Variants in WDR33 observed in about 807,000 individuals in gnomAD.
WDR33 encodes the protein pre-mRNA 3' end processing protein WDR33.
In WDR33, 47 loss-of-function variants were observed where a neutral mutation model predicts 164.9. That is an observed-to-expected ratio of 0.29 (90% CI 0.23 to 0.36). The LOEUF (loss-of-function observed/expected upper bound fraction) is 0.36. Ranked by LOEUF, WDR33 falls within the 10% of genes least tolerant of loss-of-function variation. The pLI, the probability that WDR33 is intolerant of heterozygous loss-of-function variation, is 1.00. For synonymous variants in WDR33, 505 were observed against 589.0 expected (o/e 0.86, Z 2.06); for missense variants, 1,137 against 1,754.1 (o/e 0.65, Z 6.28).
chr2:127,772,364 G>A (rs565096925), intron 1 of WDR33, among the ~76,000 whole-genome samples: 11 of 152,088 alleles, frequency 7.2e-5, no homozygotes, highest in South Asian at 4.2e-4. Flanking sequence ...GTTTGAACCC[G>A]GGAGGGAGAG....
intron 7 of WDR33, among the ~76,000 whole-genome samples, chr2:127,733,975 T>C (rs892782026): frequency 4.6e-5 from 7 of 152,312 alleles, no homozygotes; most frequent in Admixed American, 2.0e-4. Context: ...CATCCAATCC[T>C]GTCTTCATCT....
rs1294609180 is a variant in WDR33, at chr2:127,706,782, C to A, written c.3782-230G>T. Among the ~76,000 whole-genome samples the A allele has an allele frequency of 6.6e-6, 1 of 152,214 alleles. No homozygotes were observed. The highest frequency in any genetic ancestry group is 1.5e-5 in the Non-Finnish European group (1 of 68,042). Reference sequence around the variant, plus strand: ...TCAGCATCAGCCAGATCCATGCCCCCAGGGCTGTGTGACAGACGACAGGAA... The same window carrying A: ...TCAGCATCAGCCAGATCCATGCCCCAAGGGCTGTGTGACAGACGACAGGAA... On this transcript the variant is annotated intron_variant, in intron 21 of 21. Coordinates refer to ENST00000322313, the MANE Select transcript of WDR33 (RefSeq NM_018383.5). This position sits in a 1 kb window ranked among gnomAD's most constrained non-coding sequence, Gnocchi z 5.1.
intron 1 of WDR33, among the ~76,000 whole-genome samples, chr2:127,805,068 CTTTTTTTTTTT>C (rs201681607): frequency 2.9e-3 from 243 of 84,408 alleles, no homozygotes; most frequent in Non-Finnish European, 4.1e-3. Flanking sequence ...GAAGTTTTTT[CTTTTTTTTTTT>C]TTTTTTTTTT....
chr2:127,805,603 A>G (rs1689408466), intron 1 of WDR33, among the ~76,000 whole-genome samples: 1 of 152,180 alleles, frequency 6.6e-6, no homozygotes, highest in Non-Finnish European at 1.5e-5. Flanking sequence ...AAGGGGCAGC[A>G]GGTGCCAGGT....
In WDR33 at chr2:127,706,365, C is replaced by G; in HGVS notation, c.3969G>C (p.Pro1323=). The G allele has an allele frequency of 6.2e-7, 1 of 1,601,224 alleles. No homozygotes were observed. Among genetic ancestry groups the G allele is most frequent in the Non-Finnish European group, 8.5e-7 (1 of 1,173,534 alleles). ...WGRGSNMNSG[P]PRRGASRGGG... ...CACCCCGTGAAGCTCCTCGCCTCGG[C>G]GGGCCAGAGTTCATGTTACTCCCTC... The change falls in exon 22 of 22, where the codon CCG becomes CCC. Residue 1323 remains proline, a synonymous_variant. Coordinates refer to ENST00000322313, the MANE Select transcript of WDR33 (RefSeq NM_018383.5). The surrounding 1 kb of genome is among the most constrained non-coding windows in gnomAD (Gnocchi z 5.1).
chr2:127,749,739 C>T (rs1459724454), intron 7 of WDR33, among the ~76,000 whole-genome samples: 1 of 151,964 alleles, frequency 6.6e-6, no homozygotes, highest in Non-Finnish European at 1.5e-5. Context: ...CTGTGCCAAA[C>T]CTTAACCTTT....
In WDR33 at chr2:127,730,055, A is replaced by G. The variant is rs1402759478; in HGVS notation, c.725-3278T>C. ...CATCAACTGGCTCCAAGAACTAGGT[A>G]GCTTGGGACACAAGGGAAAGAAGGA... On this transcript the variant is annotated intron_variant, in intron 7 of 21. Transcript: ENST00000322313. 2.6e-5 allele frequency among the ~76,000 whole-genome samples: 4 copies of G among 152,230 alleles called. No individual in the cohort carries two copies. The East Asian group carries it at 7.7e-4, about 29-fold the overall frequency.
At position 127,703,110 on chromosome 2, in the gene WDR33, G is replaced by A. The variant is rs1455873203; in HGVS notation, c.*3213C>T. The A allele has an allele frequency of 1.2e-5, 2 of 167,010 alleles. No homozygotes were observed. Among genetic ancestry groups the A allele is most frequent in the Non-Finnish European group, 2.9e-5 (2 of 68,122 alleles). 10.3% of individuals were successfully genotyped at this position (167,010 alleles called of 1,614,324 possible). ...ACCTTAATTTATTGCCAGAAGGTAT[G>A]AGCCTAACATTCTGATGAGTCCAGA... On this transcript the variant is annotated 3_prime_UTR_variant, in exon 22 of 22. Coordinates refer to ENST00000322313, the MANE Select transcript of WDR33 (RefSeq NM_018383.5).
chr2:127,736,043 A>C (rs1193801963), intron 7 of WDR33: 2 of 985,382 alleles, frequency 2.0e-6, no homozygotes, highest in African/African-American at 3.5e-5. Context: ...TCCGGCAGTC[A>C]GGTAAGTTGA....
At position 127,763,691 on chromosome 2, in the gene WDR33, T is replaced by C; in HGVS notation, c.627-532A>G. The C allele has an allele frequency of 1.0e-6, 1 of 985,744 alleles. No individual in the cohort carries two copies. Among genetic ancestry groups the C allele is most frequent in the Non-Finnish European group, 1.2e-6 (1 of 830,166 alleles). 61.1% of individuals were successfully genotyped at this position (985,744 alleles called of 1,614,324 possible). A position where few individuals can be genotyped will look rare whatever the true frequency, so the allele number is the denominator to read the frequency against. On this transcript the variant is annotated intron_variant, in intron 6 of 21. Coordinates refer to ENST00000322313, the MANE Select transcript of WDR33 (RefSeq NM_018383.5). This position sits in a 1 kb window ranked among gnomAD's most constrained non-coding sequence, Gnocchi z 4.5. ...AAGGTCTGTAGAAAAGTTTCACATC[T>C]TCCTGGCAAGCTATTCCATGAATGT...
In WDR33 at chr2:127,741,403, A is replaced by G. The variant is rs576541585; in HGVS notation, c.725-14626T>C. 2.1e-4 allele frequency among the ~76,000 whole-genome samples: 32 copies of G among 152,342 alleles called. No individual in the cohort carries two copies. The South Asian group carries it at 6.2e-3, about 30-fold the overall frequency. On this transcript the variant is annotated intron_variant, in intron 7 of 21. Coordinates refer to ENST00000322313, the MANE Select transcript of WDR33 (RefSeq NM_018383.5). This position sits in a 1 kb window ranked among gnomAD's most constrained non-coding sequence, Gnocchi z 4.1. Reference sequence around the variant, plus strand: ...GGAATAAACTTAAGCACTCCACCTCAGAGTACAAACCACAACCCACTTACT... The same window carrying G: ...GGAATAAACTTAAGCACTCCACCTCGGAGTACAAACCACAACCCACTTACT...
chr2:127,710,363 TGGG>T lies in WDR33; in HGVS notation c.3309-510_3309-508del, dbSNP rs1686128427. ...CATTTATGACATATAATCAGAAAAA[TGGG>T]GGCACAGATCGTGTCTGCCAACCAT... On this transcript the variant is annotated intron_variant, in intron 18 of 21. Coordinates refer to ENST00000322313, the MANE Select transcript of WDR33 (RefSeq NM_018383.5). The surrounding 1 kb of genome is among the most constrained non-coding windows in gnomAD (Gnocchi z 4.4). Among the ~76,000 whole-genome samples, 1 of 152,102 alleles carries T rather than the reference TGGG, an allele frequency of 6.6e-6. No homozygotes were observed. The highest frequency in any genetic ancestry group is 1.5e-5 in the Non-Finnish European group (1 of 68,008).
intron 7 of WDR33, chr2:127,737,324 C>A (rs1686874251): frequency 1.0e-6 from 1 of 985,200 alleles, no homozygotes; most frequent in Admixed American, 6.2e-5. Flanking sequence ...GCAGCAAAGT[C>A]CGCTGTAAGA....
intron 4 of WDR33, among the ~76,000 whole-genome samples, chr2:127,766,336 C>A (rs1222686822): frequency 6.6e-6 from 1 of 152,120 alleles, no homozygotes; most frequent in Non-Finnish European, 1.5e-5. Context: ...AAGGTTATTT[C>A]TTAAATTACA....
intron 1 of WDR33, among the ~76,000 whole-genome samples, chr2:127,789,615 G>A (rs1018632580): frequency 2.0e-5 from 3 of 151,422 alleles, no homozygotes; most frequent in African/African-American, 4.8e-5. Context: ...CAGGCAGGGA[G>A]GTTGCAGTGA....
Position 127,796,450 on chromosome 2 carries a change from C to T in WDR33, c.-24+14562G>A, listed in dbSNP as rs751629008. Among the ~76,000 whole-genome samples the T allele has an allele frequency of 3.9e-5, 6 of 151,918 alleles. No homozygotes were observed. In the East Asian group the frequency reaches 7.7e-4, roughly 20 times the overall value. ...CTACTGCAGCAAGCACAGTGGCTCA[C>T]GCCTATAATCCCAGCACTTTGGGAG... On this transcript the variant is annotated intron_variant, in intron 1 of 21. Coordinates refer to ENST00000322313, the MANE Select transcript of WDR33 (RefSeq NM_018383.5).
chr2:127,705,835 A>G lies in WDR33; in HGVS notation c.*488T>C, dbSNP rs1685995716. ...AGTGGTTAATATGCTCATGAACATCAGCAACAACCGTGCATTCCTTGGCAG... is the reference window on the plus strand; with the variant it reads ...AGTGGTTAATATGCTCATGAACATCGGCAACAACCGTGCATTCCTTGGCAG... On this transcript the variant is annotated 3_prime_UTR_variant, in exon 22 of 22. Coordinates refer to ENST00000322313, the MANE Select transcript of WDR33 (RefSeq NM_018383.5). This position sits in a 1 kb window ranked among gnomAD's most constrained non-coding sequence, Gnocchi z 4.5. The G allele has an allele frequency of 6.5e-6, 1 of 153,928 alleles. No homozygotes were observed. Among genetic ancestry groups the G allele is most frequent in the Non-Finnish European group, 1.4e-5 (1 of 69,272 alleles). The allele number at this position is 153,928 out of a possible 1,614,324, so 9.5% of individuals were successfully genotyped here.
At position 127,742,860 on chromosome 2, in the gene WDR33, T is replaced by TAA. The variant is rs34957656; in HGVS notation, c.725-16085_725-16084dup. Among the ~76,000 whole-genome samples, 605 of 126,994 alleles carry TAA rather than the reference T, an allele frequency of 4.8e-3. 6 individuals carry two copies. The highest frequency in any genetic ancestry group is 0.014 in the African/African-American group (505 of 34,918). The allele number at this position is 126,994 out of a possible 152,430, so 83.3% of individuals were successfully genotyped here. ...AAATATGTATACCTATACTCACAGT[T>TAA]AAAAAAAAAAAAACAAAAAAAAACA... On this transcript the variant is annotated intron_variant, in intron 7 of 21. Coordinates refer to ENST00000322313, the MANE Select transcript of WDR33 (RefSeq NM_018383.5).
chr2:127,782,652 TACA>T (rs1437743918), intron 1 of WDR33, among the ~76,000 whole-genome samples: 3 of 152,136 alleles, frequency 2.0e-5, no homozygotes, highest in African/African-American at 7.2e-5. Context: ...AACAATATAG[TACA>T]ACAACTATTT....
Sources: allele counts gnomAD v4.1 joint callset (sites outside exome capture counted in the v4.1 genomes callset), GRCh38; gene constraint gnomAD v4.1.1; non-coding constraint Gnocchi (gnomAD v3.1); transcripts MANE v1.5; gene names NCBI Gene and HGNC (gene_info 2026-07-23, HGNC 2026-07-21).